CAST: variants seen among roughly 807,000 people sequenced by gnomAD.
The protein encoded by CAST is MIR583 host.
CAST carries 76 observed loss-of-function variants against 119.6 expected under a neutral mutation model. The observed-to-expected ratio is 0.64, with a 90% CI of 0.53 to 0.77. CAST has a LOEUF of 0.77. Ranked by LOEUF, CAST falls within the 30% of genes least tolerant of loss-of-function variation. The pLI, the probability that CAST is intolerant of heterozygous loss-of-function variation, is 0.00. For missense variants in CAST, 953 were observed against 946.5 expected, an observed-to-expected ratio of 1.01 and a Z score of -0.09; for synonymous variants, 319 against 331.6, an observed-to-expected ratio of 0.96 and a Z score of 0.41.
intron 6 of CAST, 185 bp from the exon 7 acceptor site, chr5:96,728,968 G>C: frequency 3.7e-6 from 2 of 545,040 alleles, no homozygotes; most frequent in Non-Finnish European, 6.6e-6. Context: ...CTGCTGACAG[G>C]GTTACTATTG....
chr5:96,267,693 GAAA>G, the CAST span, among the ~76,000 whole-genome samples: 1 of 150,690 alleles, frequency 6.6e-6, no homozygotes, highest in South Asian at 2.1e-4. Flanking sequence ...TTCAATCTGA[GAAA>G]AAAAAATCCC....
chr5:96,051,562 C>T, the CAST span, among the ~76,000 whole-genome samples: 2 of 152,036 alleles, frequency 1.3e-5, no homozygotes, highest in Admixed American at 1.3e-4. Flanking sequence ...GGAGCATTTG[C>T]CCCTTGTAAA....
the CAST span, among the ~76,000 whole-genome samples, chr5:96,068,410 C>T: frequency 1.3e-5 from 2 of 152,066 alleles, no homozygotes; most frequent in African/African-American, 2.4e-5. Flanking sequence ...GAACTTTACC[C>T]TGACTCCTGG....
chr5:96,039,089 T>C, the CAST span, among the ~76,000 whole-genome samples: 2 of 152,176 alleles, frequency 1.3e-5, no homozygotes, highest in East Asian at 3.9e-4. Flanking sequence ...TGGTATCTCA[T>C]TGTGGTTTTG....
chr5:96,592,869 A>G (rs567577440), intron 1 of CAST, among the ~76,000 whole-genome samples: 5 of 151,420 alleles, frequency 3.3e-5, no homozygotes, highest in African/African-American at 1.2e-4. Context: ...GGTTCATGCC[A>G]TTCTCCTGCC....
chr5:95,972,966 T>G, the CAST span: 2 of 152,228 alleles, frequency 1.3e-5, no homozygotes, highest in Non-Finnish European at 2.9e-5. Flanking sequence ...CATAAGATAC[T>G]TATGGAGGTT....
At chr5:96,759,491 G>A (rs1417614821) in intron 24 of CAST, among the ~76,000 whole-genome samples, 2 of 151,906 alleles carry the variant, frequency 1.3e-5, no homozygotes, top group Non-Finnish European at 2.9e-5. Flanking sequence ...ATCAATAGTA[G>A]AGAAAGAGAA....
the CAST span, among the ~76,000 whole-genome samples, chr5:96,059,751 C>T: frequency 5.9e-5 from 9 of 152,190 alleles, no homozygotes; most frequent in African/African-American, 1.2e-4. Flanking sequence ...GTAGTCACTA[C>T]GACCTCCACA....
chr5:96,710,650 T>C (rs1755940462), intron 3 of CAST, among the ~76,000 whole-genome samples: 1 of 152,188 alleles, frequency 6.6e-6, no homozygotes, highest in Non-Finnish European at 1.5e-5. Flanking sequence ...TTGCCAGCAA[T>C]AATTATGAAC....
the CAST span, among the ~76,000 whole-genome samples, chr5:96,471,786 G>GTGTGTGTTTGTT: frequency 6.7e-6 from 1 of 149,416 alleles, no homozygotes; most frequent in Non-Finnish European, 1.5e-5. Context: ...GTGTGTGTGT[G>GTGTGTGTTTGTT]TGTGTGTGTG....
At chr5:96,176,266 A>G in the CAST span, among the ~76,000 whole-genome samples, 17 of 152,226 alleles carry the variant, frequency 1.1e-4, no homozygotes, top group African/African-American at 3.9e-4. Flanking sequence ...TCAAGAGATA[A>G]AGTGATAAAA....
At chr5:96,619,130 T>C (rs937662303) in intron 1 of CAST, among the ~76,000 whole-genome samples, 1 of 152,124 alleles carries the variant, frequency 6.6e-6, no homozygotes, top group Non-Finnish European at 1.5e-5. Flanking sequence ...AGCTAGAGGA[T>C]TGTAAATGCA....
the CAST span, among the ~76,000 whole-genome samples, chr5:96,175,578 G>T: frequency 6.6e-6 from 1 of 152,202 alleles, no homozygotes; most frequent in Admixed American, 6.5e-5. Flanking sequence ...AGGGCAATGG[G>T]CTATAAATTA....
chr5:96,264,097 A>G, the CAST span, among the ~76,000 whole-genome samples: 1 of 152,206 alleles, frequency 6.6e-6, no homozygotes, highest in African/African-American at 2.4e-5. Context: ...CATACATATC[A>G]CTAAATACGT....
chr5:96,149,888 G>GAAT, the CAST span, among the ~76,000 whole-genome samples: 1 of 152,116 alleles, frequency 6.6e-6, no homozygotes, highest in Non-Finnish European at 1.5e-5. Flanking sequence ...TCAGGGGAAG[G>GAAT]AATAACAAGG....
chr5:95,992,635 A>G, the CAST span, among the ~76,000 whole-genome samples: 324 of 152,342 alleles, frequency 2.1e-3, 2 homozygotes, highest in African/African-American at 7.3e-3. Context: ...TGGAACAGAA[A>G]GAAGACATTC....
the CAST span, among the ~76,000 whole-genome samples, chr5:96,491,331 A>AG: frequency 7.5e-4 from 5 of 6,630 alleles, no homozygotes; most frequent in Admixed American, 3.8e-3. Context: ...TAAAAAATAC[A>AG]AAAAAAAAAC....
rs576099540 is a variant in CAST at position 96,649,366 on chromosome 5, G to A, written c.61-26173G>A. Among the ~76,000 whole-genome samples, 1,409 of 152,260 alleles carry A rather than the reference G, an allele frequency of 9.3e-3. 22 individuals carry two copies. The highest frequency in any genetic ancestry group is 0.032 in the African/African-American group (1,342 of 41,530). On this transcript the variant is annotated intron_variant, in intron 1 of 11. Transcript: ENST00000505143. ...TGCAGATGTTTTCTTTTAATAAGCA[G>A]GGTTAAAGTTCTTCTCTCATGAAAG...
At chr5:96,033,378 C>G in the CAST span, among the ~76,000 whole-genome samples, 1 of 152,086 alleles carries the variant, frequency 6.6e-6, no homozygotes, top group South Asian at 2.1e-4. Context: ...GTAGAGGTAT[C>G]ATACTACCAG....
Sources: allele counts gnomAD v4.1 joint callset (sites outside exome capture counted in the v4.1 genomes callset), GRCh38; gene constraint gnomAD v4.1.1; transcripts MANE v1.5; gene names NCBI Gene and HGNC (gene_info 2026-07-23, HGNC 2026-07-21).